Variants in PPP3CA observed in about 807,000 individuals in gnomAD.
The protein encoded by PPP3CA is CAM-PRP catalytic subunit.
Under a neutral mutation model 66.5 loss-of-function variants are expected in PPP3CA, and 14 were observed. The ratio of observed to expected loss-of-function variants is 0.21; its 90% CI spans 0.14 to 0.33. The LOEUF is 0.33. Among genes scored for constraint, PPP3CA ranks in the 10% least tolerant of loss-of-function variants. PPP3CA has a pLI of 1.00. For missense variants in PPP3CA, 317 were observed against 639.5 expected (o/e 0.50, Z 5.44); for synonymous variants, 232 against 226.2 (o/e 1.03, Z -0.23).
chr4:101,256,664 G>A (rs1726853563), intron 1 of PPP3CA, among the ~76,000 whole-genome samples: 1 of 151,978 alleles, frequency 6.6e-6, no homozygotes, highest in Non-Finnish European at 1.5e-5. Flanking sequence ...TTTTAATGAT[G>A]GAAGGAGTCA....
intron 1 of PPP3CA, among the ~76,000 whole-genome samples, chr4:101,210,629 T>C (rs528934127): frequency 6.6e-6 from 1 of 152,278 alleles, no homozygotes; most frequent in Non-Finnish European, 1.5e-5. Context: ...GCACAACTTC[T>C]CAAAACACAC....
Position 101,106,463 on chromosome 4 carries a change from A to AGAAG in PPP3CA, c.384+2490_384+2491insCTTC, listed in dbSNP as rs1560605247. ...AAAGAAAGAAAGAAAGAGAAAAGAA[A>AGAAG]AGAAAAGAAAAGAAAAGAAAAGAAA... On this transcript the variant is annotated intron_variant, in intron 3 of 13. Transcript: ENST00000394854. Among the ~76,000 whole-genome samples, 199 of 33,760 alleles carry AGAAG rather than the reference A, an allele frequency of 5.9e-3. 27 individuals carry two copies. Among genetic ancestry groups the AGAAG allele is most frequent in the South Asian group, 0.011 (8 of 722 alleles). The allele number at this position is 33,760 out of a possible 152,430, so 22.1% of individuals were successfully genotyped here. A position where few individuals can be genotyped will look rare whatever the true frequency, so the allele number is the denominator to read the frequency against.
Position 101,346,929 on chromosome 4 carries a change from C to G in PPP3CA, c.-133G>C. On this transcript the variant is annotated 5_prime_UTR_variant, in exon 1 of 14. Coordinates refer to ENST00000394854, the MANE Select transcript of PPP3CA (RefSeq NM_000944.5). Reference sequence around the variant, plus strand: ...CGCTGCAAACCGCTCGGCTGGAGGTCTAGGCTCTGAGCTGGCTTTAAAGTT... The same window carrying G: ...CGCTGCAAACCGCTCGGCTGGAGGTGTAGGCTCTGAGCTGGCTTTAAAGTT... The G allele has an allele frequency of 9.5e-7, 1 of 1,054,584 alleles. No homozygotes were observed. Among genetic ancestry groups the G allele is most frequent in the Non-Finnish European group, 1.4e-6 (1 of 711,860 alleles). 65.3% of individuals were successfully genotyped at this position (1,054,584 alleles called of 1,614,324 possible). A position where few individuals can be genotyped will look rare whatever the true frequency, so the allele number is the denominator to read the frequency against.
chr4:101,326,419 C>A (rs1274633598), intron 1 of PPP3CA, among the ~76,000 whole-genome samples: 1 of 152,162 alleles, frequency 6.6e-6, no homozygotes, highest in East Asian at 1.9e-4. Flanking sequence ...GTAAAAATAA[C>A]TGACACCAAG....
intron 2 of PPP3CA, among the ~76,000 whole-genome samples, chr4:101,123,653 A>G (rs1438190227): frequency 6.6e-6 from 1 of 152,180 alleles, no homozygotes; most frequent in Non-Finnish European, 1.5e-5. Flanking sequence ...CAACGTGGTG[A>G]AACCAGATCT....
intron 1 of PPP3CA, among the ~76,000 whole-genome samples, chr4:101,325,416 G>A (rs1729178272): frequency 6.6e-6 from 1 of 152,140 alleles, no homozygotes; most frequent in African/African-American, 2.4e-5. Context: ...ATTACTAAAG[G>A]TAAGGAATGG....
chr4:101,101,979 A>T (rs1730463546), intron 3 of PPP3CA, among the ~76,000 whole-genome samples: 1 of 152,086 alleles, frequency 6.6e-6, no homozygotes, highest in Non-Finnish European at 1.5e-5. Context: ...TCTGTTAAAG[A>T]CCTTTTTCTG....
At chr4:101,270,546 G>A (rs912529623) in intron 1 of PPP3CA, among the ~76,000 whole-genome samples, 3 of 152,168 alleles carry the variant, frequency 2.0e-5, no homozygotes, top group African/African-American at 7.2e-5. Flanking sequence ...GATGCACTAT[G>A]TTGCAAGAAA....
chr4:101,249,814 C>T (rs1726614831), intron 1 of PPP3CA, among the ~76,000 whole-genome samples: 2 of 152,194 alleles, frequency 1.3e-5, no homozygotes, highest in East Asian at 1.9e-4. Context: ...CAAAACTAAA[C>T]TATTCAAAAC....
In PPP3CA at chr4:101,041,396, G is replaced by C. The variant is rs547764872; in HGVS notation, c.1157-830C>G. Among the ~76,000 whole-genome samples the C allele has an allele frequency of 6.7e-5, 10 of 150,320 alleles. 1 individual carries two copies. In the South Asian group the frequency reaches 1.5e-3, roughly 22 times the overall value. On this transcript the variant is annotated intron_variant, in intron 10 of 13. Transcript: ENST00000394854. ...TTCTTTTAATTCCCGAGGTACATTG[G>C]AAGAAGTATAAAACAGAAAAAATAC...
At chr4:101,327,088 CT>C (rs35798910) in intron 1 of PPP3CA, among the ~76,000 whole-genome samples, 5 of 152,192 alleles carry the variant, frequency 3.3e-5, no homozygotes, top group African/African-American at 1.2e-4. Context: ...AAGAGGTAGA[CT>C]TTCATCCATG....
chr4:101,031,561 C>G (rs1354388640), intron 12 of PPP3CA, among the ~76,000 whole-genome samples: 2 of 152,068 alleles, frequency 1.3e-5, no homozygotes, highest in African/African-American at 4.8e-5. Context: ...CGTTTAGTTT[C>G]TTGGTTATAT....
chr4:101,311,068 T>C (rs1270654005), intron 1 of PPP3CA, among the ~76,000 whole-genome samples: 2 of 152,172 alleles, frequency 1.3e-5, no homozygotes, highest in African/African-American at 4.8e-5. Context: ...AGAAAAGAAA[T>C]AGTGAAGAAT....
intron 2 of PPP3CA, among the ~76,000 whole-genome samples, chr4:101,193,595 G>A (rs1384625899): frequency 6.6e-6 from 1 of 152,098 alleles, no homozygotes; most frequent in Non-Finnish European, 1.5e-5. Context: ...CTTTGTGAGG[G>A]CAAGTCCACA....
chr4:101,107,427 T>A (rs191891608), intron 3 of PPP3CA, among the ~76,000 whole-genome samples: 1 of 152,330 alleles, frequency 6.6e-6, no homozygotes, highest in East Asian at 1.9e-4. Context: ...ACAGTCCTAT[T>A]CATGGTGCAT....
At chr4:101,201,516 G>A (rs1395602954) in intron 1 of PPP3CA, among the ~76,000 whole-genome samples, 2 of 152,184 alleles carry the variant, frequency 1.3e-5, no homozygotes, top group African/African-American at 2.4e-5. Flanking sequence ...ATAAGTAAAC[G>A]CATACAAAAT....
intron 1 of PPP3CA, among the ~76,000 whole-genome samples, chr4:101,204,635 C>CAAAAAA (rs55925064): frequency 9.3e-6 from 1 of 107,816 alleles, no homozygotes; most frequent in Non-Finnish European, 1.8e-5. Flanking sequence ...GACTCCATCT[C>CAAAAAA]AAAAAAAAAA....
chr4:101,213,365 G>A (rs1002286557), intron 1 of PPP3CA, among the ~76,000 whole-genome samples: 2 of 152,162 alleles, frequency 1.3e-5, no homozygotes, highest in Non-Finnish European at 2.9e-5. Flanking sequence ...GACTGTAGTC[G>A]TATAATACTG....
intron 1 of PPP3CA, among the ~76,000 whole-genome samples, chr4:101,234,289 C>T (rs1726057660): frequency 6.6e-6 from 1 of 151,414 alleles, no homozygotes; most frequent in African/African-American, 2.4e-5. Context: ...AAACAGTAGT[C>T]CTCTTTGAGG....
Sources: gnomAD v4.1 joint callset for allele counts (sites outside exome capture counted in the v4.1 genomes callset) on GRCh38, gnomAD v4.1.1 for gene constraint, MANE v1.5 for transcripts, NCBI Gene and HGNC (gene_info 2026-07-23, HGNC 2026-07-21) for gene names.